The following SPAST variants were observed in gnomAD, a reference collection of about 807,000 sequenced individuals.
SPAST encodes the protein spastin.
SPAST carries 30 observed loss-of-function variants against 76.6 expected under a neutral mutation model. The ratio of observed to expected loss-of-function variants is 0.39; its 90% CI spans 0.29 to 0.53. The LOEUF is 0.53. SPAST is among the 20% of genes least tolerant of loss of function. The probability of loss-of-function intolerance (pLI) is 0.68; values close to 1 mark genes in which losing one functional copy is unlikely to be tolerated. For synonymous variants in SPAST, 305 were observed against 281.0 expected (o/e 1.09, Z -0.86); for missense variants, 717 against 770.5 (o/e 0.93, Z 0.82).
intron 8 of SPAST, chr2:32,127,471 C>T (rs1207871540): frequency 5.7e-6 from 1 of 176,586 alleles, no homozygotes; most frequent in African/African-American, 2.4e-5. Flanking sequence ...GATGGAAAAC[C>T]ATGTACGTTA....
At chr2:32,132,358 A>G (rs1044661815) in intron 9 of SPAST, among the ~76,000 whole-genome samples, 2 of 152,000 alleles carry the variant, frequency 1.3e-5, no homozygotes, top group Admixed American at 1.3e-4. Flanking sequence ...ATGCCACTGT[A>G]CTCCAGCCTG....
chr2:32,094,417 T>G (rs1677842561), intron 3 of SPAST, among the ~76,000 whole-genome samples: 1 of 152,078 alleles, frequency 6.6e-6, no homozygotes, highest in Admixed American at 6.6e-5. Context: ...TTTGAGAAGT[T>G]GCCATGAGTT....
intron 8 of SPAST, chr2:32,127,451 T>C (rs918311619): frequency 5.4e-5 from 10 of 184,764 alleles, no homozygotes; most frequent in African/African-American, 1.9e-4. Flanking sequence ...TACTTTTCAA[T>C]GTAGAAGTAG....
chr2:32,092,165 A>G (rs1291665339), intron 3 of SPAST, among the ~76,000 whole-genome samples: 1 of 152,190 alleles, frequency 6.6e-6, no homozygotes, highest in Non-Finnish European at 1.5e-5. Context: ...GCACATAGTT[A>G]AAAATGCAGC....
rs35964074 is a variant in SPAST at position 32,140,943 on chromosome 2, G to GT, written c.1494-942dup. Among the ~76,000 whole-genome samples the GT allele has an allele frequency of 1.2e-3, 146 of 117,240 alleles. 3 individuals carry two copies. The highest frequency in any genetic ancestry group is 1.1e-3 in the East Asian group (5 of 4,730). 76.9% of individuals were successfully genotyped at this position (117,240 alleles called of 152,430 possible). A position where few individuals can be genotyped will look rare whatever the true frequency, so the allele number is the denominator to read the frequency against. Reference sequence around the variant, plus strand: ...TTTGGGGGCAGGTTTTGTTGTTGTTGTTTTTTTTTTTTTTTTTTTAAATGA... The same window carrying GT: ...TTTGGGGGCAGGTTTTGTTGTTGTTGTTTTTTTTTTTTTTTTTTTTAAATGA... On this transcript the variant is annotated intron_variant, in intron 12 of 16. Coordinates refer to ENST00000315285, the MANE Select transcript of SPAST (RefSeq NM_014946.4).
At chr2:32,097,969 A>T (rs570292980) in intron 3 of SPAST, among the ~76,000 whole-genome samples, 2 of 152,116 alleles carry the variant, frequency 1.3e-5, no homozygotes, top group Admixed American at 6.6e-5. Flanking sequence ...AAGTGCTGGG[A>T]TTACAGACGT....
chr2:32,117,408 G>A (rs917193927), intron 7 of SPAST, among the ~76,000 whole-genome samples: 5 of 151,726 alleles, frequency 3.3e-5, no homozygotes, highest in Non-Finnish European at 7.4e-5. Context: ...AAACTCCATC[G>A]AAGGCTAAAT....
chr2:32,087,557 G>A lies in SPAST; in HGVS notation c.481G>A (p.Ala161Thr). 6.2e-7 allele frequency: 1 copy of A among 1,600,680 alleles called. No individual in the cohort carries two copies. The highest frequency in any genetic ancestry group is 8.6e-7 in the Non-Finnish European group (1 of 1,168,864). Residue 161 changes from alanine to threonine, a missense_variant, in exon 2 of 17, where the codon GCT becomes ACT. Ala to Thr is a moderately conservative substitution (Grantham distance 58). Coordinates refer to ENST00000315285, the MANE Select transcript of SPAST (RefSeq NM_014946.4). ...KGIEELEKGI[A>T]VIVTGQGEQC... is the part of the protein sequence containing the mutation. ...TATTGAAGAACTGGAAAAAGGAATA[G>A]CTGTTATAGTTACAGGACAAGGTAA...
chr2:32,106,352 C>T (rs1645189026), intron 4 of SPAST, among the ~76,000 whole-genome samples: 1 of 152,184 alleles, frequency 6.6e-6, no homozygotes, highest in Non-Finnish European at 1.5e-5. Flanking sequence ...TTTCCAGGTA[C>T]CATATGTCAC....
At chr2:32,078,703 C>T (rs564141466) in intron 1 of SPAST, among the ~76,000 whole-genome samples, 1 of 152,098 alleles carries the variant, frequency 6.6e-6, no homozygotes, top group Non-Finnish European at 1.5e-5. Context: ...TCTTCCTTAA[C>T]CTTACCATAA....
chr2:32,113,561 T>A (rs1372798510), intron 4 of SPAST, among the ~76,000 whole-genome samples: 3 of 50,642 alleles, frequency 5.9e-5, no homozygotes, highest in Non-Finnish European at 1.3e-4. Flanking sequence ...GCTTCATAAC[T>A]TTTTTTTTTT....
chr2:32,085,256 G>C (rs1677428618), intron 1 of SPAST, among the ~76,000 whole-genome samples: 1 of 132,810 alleles, frequency 7.5e-6, no homozygotes, highest in Non-Finnish European at 1.5e-5. Context: ...GCTCAGGTTA[G>C]AGTGCAATGG....
At chr2:32,080,780 G>GTTT (rs1336946468) in intron 1 of SPAST, among the ~76,000 whole-genome samples, 1 of 94,106 alleles carries the variant, frequency 1.1e-5, no homozygotes, top group African/African-American at 4.0e-5. Flanking sequence ...GTCTGGCTCA[G>GTTT]TTCTTTTTTT....
chr2:32,082,593 G>C (rs547575082), intron 1 of SPAST, among the ~76,000 whole-genome samples: 2 of 151,988 alleles, frequency 1.3e-5, no homozygotes, highest in Admixed American at 1.3e-4. Flanking sequence ...CTACTTGGGA[G>C]GCTGAGGCAG....
At chr2:32,127,220 C>G (rs749784571) in intron 8 of SPAST, 198 bp downstream of exon 8, 1 of 556,032 alleles carries the variant, frequency 1.8e-6, no homozygotes, top group African/African-American at 1.9e-5. Context: ...TGGGTTCAAG[C>G]GATTTTCATG....
intron 4 of SPAST, among the ~76,000 whole-genome samples, chr2:32,110,104 GT>G (rs200943358): frequency 0.01 from 1,418 of 135,478 alleles, 26 homozygotes; most frequent in South Asian, 0.05. Context: ...AGTTTTTTTT[GT>G]TTTTTTTTTT....
chr2:32,066,975 A>AAAAAAAAAAAAAAAAAAACC (rs1676540464), intron 1 of SPAST, among the ~76,000 whole-genome samples: 1 of 114,898 alleles, frequency 8.7e-6, no homozygotes, highest in Admixed American at 9.0e-5. Flanking sequence ...ACTGTCTCAA[A>AAAAAAAAAAAAAAAAAAACC]AAAAAAAAAA....
chr2:32,065,095 C>G (rs928197625), intron 1 of SPAST, among the ~76,000 whole-genome samples: 1 of 151,902 alleles, frequency 6.6e-6, no homozygotes, highest in Non-Finnish European at 1.5e-5. Context: ...TCTCGGCTCA[C>G]TGCAACCTCC....
At chr2:32,143,802 G>T (rs1573168289) in intron 14 of SPAST, among the ~76,000 whole-genome samples, 1 of 152,128 alleles carries the variant, frequency 6.6e-6, no homozygotes, top group South Asian at 2.1e-4. Context: ...TACTTGGGAG[G>T]TTGATGTGGG....
Sources: gnomAD v4.1 joint callset for allele counts (sites outside exome capture counted in the v4.1 genomes callset) on GRCh38, gnomAD v4.1.1 for gene constraint, MANE v1.5 for transcripts, NCBI Gene and HGNC (gene_info 2026-07-23, HGNC 2026-07-21) for gene names.